ASXL3: variants seen among roughly 807,000 people sequenced by gnomAD.
ASXL3 encodes putative Polycomb group protein ASXL3.
ASXL3 carries 34 observed loss-of-function variants against 170.6 expected under a neutral mutation model. The observed-to-expected ratio is 0.20, with a 90% confidence interval of 0.15 to 0.27. The LOEUF is 0.27. Ranked by LOEUF, ASXL3 falls within the 10% of genes least tolerant of loss-of-function variation. The pLI is 1.00. For synonymous variants in ASXL3, 1,002 were observed against 989.1 expected (o/e 1.01, Z -0.24); for missense variants, 2,592 against 2,695.3 (o/e 0.96, Z 0.85).
chr18:33,603,850 C>A lies in ASXL3; in HGVS notation c.55-3744C>A, dbSNP rs558736821. ...TAACACAAGAGAACAATTTGTTTTA[C>A]AAAGAAAGAAAGGACATTTTATGTA... On this transcript the variant is annotated intron_variant, in intron 1 of 11. Transcript: ENST00000269197. 1.2e-4 allele frequency among the ~76,000 whole-genome samples: 18 copies of A among 152,070 alleles called. 1 individual carries two copies. In the South Asian group the frequency reaches 3.7e-3, roughly 32 times the overall value.
intron 7 of ASXL3, 68 bp from the exon 8 acceptor site, chr18:33,683,337 T>C (rs1374797162): frequency 7.6e-7 from 1 of 1,307,924 alleles, no homozygotes; most frequent in African/African-American, 1.5e-5. Flanking sequence ...TGGCTGTGTT[T>C]GTGTGTACGT....
chr18:33,643,275 A>G (rs987746723), intron 2 of ASXL3, among the ~76,000 whole-genome samples: 6 of 151,902 alleles, frequency 3.9e-5, no homozygotes, highest in African/African-American at 1.4e-4. Flanking sequence ...ATTCATGGAA[A>G]GACATTTCTG....
At chr18:33,656,848 A>G (rs2066092526) in intron 4 of ASXL3, among the ~76,000 whole-genome samples, 1 of 152,118 alleles carries the variant, frequency 6.6e-6, no homozygotes, top group African/African-American at 2.4e-5. Flanking sequence ...ACTTTTTCAT[A>G]AAAAATAGCT....
At chr18:33,631,050 A>C (rs529377837) in intron 2 of ASXL3, among the ~76,000 whole-genome samples, 142 of 152,200 alleles carry the variant, frequency 9.3e-4, no homozygotes, top group African/African-American at 3.2e-3. Flanking sequence ...GAAGCTGTGA[A>C]ATAAACCACA....
Position 33,745,146 on chromosome 18 carries a change from G to A in ASXL3, c.5298G>A (p.Gln1766=), listed in dbSNP as rs780762296. 6.2e-7 allele frequency: 1 copy of A among 1,614,018 alleles called. No homozygotes were observed. Among genetic ancestry groups the A allele is most frequent in the Non-Finnish European group, 8.5e-7 (1 of 1,179,898 alleles). ...TGCCTTTGGAAAAAGTGTTGCCACA[G>A]CCCAGATTGGGAGCCAAGCTTGAAA... ...GNLPLEKVLP[Q]PRLGAKLEIN... The change falls in exon 12 of 12, where the codon CAG becomes CAA. Residue 1766 remains glutamine, a synonymous_variant. Coordinates refer to ENST00000269197, the MANE Select transcript of ASXL3 (RefSeq NM_030632.3).
intron 1 of ASXL3, among the ~76,000 whole-genome samples, chr18:33,584,959 AC>A (rs1158086025): frequency 6.6e-6 from 1 of 152,002 alleles, no homozygotes; most frequent in African/African-American, 2.4e-5. Context: ...TTTTAAAAAA[AC>A]AATATGGGTG....
intron 8 of ASXL3, among the ~76,000 whole-genome samples, chr18:33,685,436 G>A (rs1293436687): frequency 1.3e-5 from 2 of 152,144 alleles, no homozygotes; most frequent in African/African-American, 4.8e-5. Flanking sequence ...TAGAATTTAG[G>A]TGTTAGAAAC....
chr18:33,684,023 A>G (rs1004047222), intron 8 of ASXL3, among the ~76,000 whole-genome samples: 7 of 152,170 alleles, frequency 4.6e-5, no homozygotes, highest in South Asian at 2.1e-4. Flanking sequence ...TATGAATATG[A>G]TTGCCTATAA....
Position 33,738,569 on chromosome 18 carries a change from A to G in ASXL3, c.1165A>G (p.Thr389Ala). The change falls in exon 11 of 12, where the codon ACT becomes GCT. Residue 389 changes from threonine to alanine, a missense_variant. Thr to Ala is a moderately conservative substitution (Grantham distance 58, BLOSUM62 0). This residue lies in a region of ASXL3 where 2,246 missense variants were observed against 2,219.6 expected (regional missense o/e 1.01). Transcript: ENST00000269197. ...AGAQSSSSCGTSGLPVSAQTA... is the reference protein window; with the variant it reads ...AGAQSSSSCGASGLPVSAQTA... ...AGCTCAAAGTAGTTCTTCATGTGGGACTTCTGGCCTTCCAGTTTCTGCACA... is the reference window on the plus strand; with the variant it reads ...AGCTCAAAGTAGTTCTTCATGTGGGGCTTCTGGCCTTCCAGTTTCTGCACA... 1 of 1,613,838 alleles carries G rather than the reference A, an allele frequency of 6.2e-7. No individual in the cohort carries two copies. The highest frequency in any genetic ancestry group is 8.5e-7 in the Non-Finnish European group (1 of 1,179,832).
intron 8 of ASXL3, among the ~76,000 whole-genome samples, chr18:33,687,556 T>C (rs906478565): frequency 2.0e-5 from 3 of 152,200 alleles, no homozygotes; most frequent in African/African-American, 7.2e-5. Context: ...AAGGGCCTCC[T>C]ACTCTGGACC....
In ASXL3 at chr18:33,739,556, C is replaced by T. The variant is rs905872208; in HGVS notation, c.2152C>T (p.Pro718Ser). Residue 718 changes from proline (P) to serine (S), a missense_variant, in exon 11 of 12, where the codon CCG (proline) becomes TCG (serine). By Grantham distance (74) the Pro-to-Ser change is moderately conservative. Around this residue, in one of 4 missense-constraint regions of ASXL3, gnomAD observed 2,246 missense variants for 2,219.6 expected, o/e 1.01. Transcript: ENST00000269197. The part of the protein sequence containing the change: ...SNLPLTSETS[P>S]MSDLPLTSET... ...CTTACCTTTAACATCAGAAACCTCA[C>T]CGATGTCTGACTTACCTTTAACATC... 1.1e-5 allele frequency: 17 copies of T among 1,613,892 alleles called. No individual in the cohort carries two copies. Among genetic ancestry groups the T allele is most frequent in the Non-Finnish European group, 1.4e-5 (17 of 1,179,898 alleles).
In ASXL3 at chr18:33,744,730, A is replaced by G. The variant is rs749199138; in HGVS notation, c.4882A>G (p.Ser1628Gly). The G allele has an allele frequency of 5.0e-6, 8 of 1,613,868 alleles. No homozygotes were observed. The highest frequency in any genetic ancestry group is 6.8e-6 in the Non-Finnish European group (8 of 1,179,804). ...GQPLVTHSGSSKQKEYLEQSC... is the reference protein window; with the variant it reads ...GQPLVTHSGSGKQKEYLEQSC... ...GCCTCTGGTTACTCACTCGGGTTCA[A>G]GTAAACAAAAAGAATATCTAGAGCA... Residue 1628 changes from serine to glycine, a missense_variant, in exon 12 of 12, where the codon AGT becomes GGT. By Grantham distance (56) the Ser-to-Gly change is moderately conservative. This residue lies in a region of ASXL3 where 2,246 missense variants were observed against 2,219.6 expected (regional missense o/e 1.01). Coordinates refer to ENST00000269197, the MANE Select transcript of ASXL3 (RefSeq NM_030632.3).
intron 6 of ASXL3, 94 bp downstream of exon 6, chr18:33,670,884 A>C (rs2066330340): frequency 1.4e-6 from 1 of 732,926 alleles, no homozygotes; most frequent in South Asian, 2.6e-5. Context: ...CTGAAACTGA[A>C]TAATACTTCC....
At chr18:33,678,022 T>A (rs2066455523) in intron 7 of ASXL3, among the ~76,000 whole-genome samples, 1 of 152,204 alleles carries the variant, frequency 6.6e-6, no homozygotes, top group African/African-American at 2.4e-5. Flanking sequence ...CCCAAGTAAC[T>A]GGGACTACAG....
At chr18:33,680,792 C>G (rs2066502227) in intron 7 of ASXL3, among the ~76,000 whole-genome samples, 1 of 151,660 alleles carries the variant, frequency 6.6e-6, no homozygotes, top group African/African-American at 2.4e-5. Flanking sequence ...TTTTGAATTT[C>G]TGATTAGTAG....
intron 8 of ASXL3, among the ~76,000 whole-genome samples, chr18:33,703,324 G>A (rs2066908253): frequency 6.6e-6 from 1 of 152,092 alleles, no homozygotes; most frequent in Admixed American, 6.6e-5. Context: ...CTCTGCTTCG[G>A]ATGGGGACAG....
chr18:33,590,738 C>T (rs571115201), intron 1 of ASXL3, among the ~76,000 whole-genome samples: 2 of 152,200 alleles, frequency 1.3e-5, no homozygotes, highest in South Asian at 4.2e-4. Context: ...AACCTACTTT[C>T]CTGATTTAGA....
rs1279216317 is a variant in ASXL3, at chr18:33,713,229, GTTTTTTTTGTTTTGTTTTGTTTTTTT to G, written c.880-18730_880-18705del. Among the ~76,000 whole-genome samples, 12 of 81,770 alleles carry G rather than the reference GTTTTTTTTGTTTTGTTTTGTTTTTTT, an allele frequency of 1.5e-4. 1 individual carries two copies. Among genetic ancestry groups the G allele is most frequent in the South Asian group, 4.6e-4 (1 of 2,170 alleles). The allele number at this position is 81,770 out of a possible 152,430, so 53.6% of individuals were successfully genotyped here. ...GCAGTTAGCAATCTACCACAAGAAG[GTTTTTTTTGTTTTGTTTTGTTTTTTT>G]TTTTTTTTTTTTTTTTTTTGAGACA... On this transcript the variant is annotated intron_variant, in intron 8 of 11. Transcript: ENST00000269197.
intron 8 of ASXL3, among the ~76,000 whole-genome samples, chr18:33,695,706 C>A (rs1247198867): frequency 6.6e-6 from 1 of 152,076 alleles, no homozygotes; most frequent in East Asian, 1.9e-4. Context: ...CACAAAATCA[C>A]TTAACCTGAA....
Sources: allele counts gnomAD v4.1 joint callset (sites outside exome capture counted in the v4.1 genomes callset), GRCh38; gene constraint gnomAD v4.1.1; regional missense constraint gnomAD v4.1.1; transcripts MANE v1.5; gene names NCBI Gene and HGNC (gene_info 2026-07-23, HGNC 2026-07-21).